The following DSCAM variants were observed in gnomAD, a reference collection of about 807,000 sequenced individuals.
The protein encoded by DSCAM is DS cell adhesion molecule.
DSCAM carries 47 observed loss-of-function variants against 217.7 expected under a neutral mutation model. That is an observed-to-expected ratio of 0.22 (90% CI 0.17 to 0.28). The LOEUF (loss-of-function observed/expected upper bound fraction) is 0.28. Ranked by LOEUF, DSCAM falls within the 10% of genes least tolerant of loss-of-function variation. DSCAM has a pLI of 1.00. For missense variants in DSCAM, 2,080 were observed against 2,618.3 expected, an observed-to-expected ratio of 0.79 and a Z score of 4.49; for synonymous variants, 1,056 against 1,015.3, an observed-to-expected ratio of 1.04 and a Z score of -0.76.
At chr21:40,780,772 T>C (rs2091536719) in intron 1 of DSCAM, among the ~76,000 whole-genome samples, 1 of 152,016 alleles carries the variant, frequency 6.6e-6, no homozygotes. Context: ...GCTGACACCT[T>C]GGTCTCAGAA....
intron 3 of DSCAM, among the ~76,000 whole-genome samples, chr21:40,618,068 G>T (rs1408393642): frequency 6.6e-6 from 1 of 152,102 alleles, no homozygotes; most frequent in Non-Finnish European, 1.5e-5. Flanking sequence ...TGACATTCTG[G>T]CTCCTGAATT....
At chr21:40,760,893 G>A (rs1458579047) in intron 1 of DSCAM, among the ~76,000 whole-genome samples, 1 of 152,208 alleles carries the variant, frequency 6.6e-6, no homozygotes, top group African/African-American at 2.4e-5. Flanking sequence ...ACCTCACTGA[G>A]AATCAACACG....
chr21:40,139,210 A>T (rs894257248), intron 18 of DSCAM, among the ~76,000 whole-genome samples: 1 of 151,562 alleles, frequency 6.6e-6, no homozygotes, highest in African/African-American at 2.4e-5. Context: ...GACAGGTCTC[A>T]GTTAATTTAG....
chr21:40,021,921 A>T (rs1366265144), intron 32 of DSCAM, among the ~76,000 whole-genome samples: 1 of 152,218 alleles, frequency 6.6e-6, no homozygotes, highest in East Asian at 1.9e-4. Flanking sequence ...CTGCTGAACT[A>T]AACCTGCCTC....
chr21:40,141,818 G>T (rs912088152), intron 18 of DSCAM, among the ~76,000 whole-genome samples: 1 of 152,052 alleles, frequency 6.6e-6, no homozygotes, highest in African/African-American at 2.4e-5. Context: ...CACGCAGCCC[G>T]GCCCAGCCTG....
Position 40,304,535 on chromosome 21 carries a change from T to C in DSCAM, c.2062+7546A>G, listed in dbSNP as rs550001335. On this transcript the variant is annotated intron_variant, in intron 9 of 32. Transcript: ENST00000400454. ...TTACAATGTGGCAAACAGTTTGGCA[T>C]AGGAAGCCCAGCTTCCGGCCTCTCT... is the stretch of plus-strand genomic sequence containing the variant. 5.2e-5 allele frequency among the ~76,000 whole-genome samples: 8 copies of C among 152,382 alleles called. No individual in the cohort carries two copies. In the South Asian group the frequency reaches 1.7e-3, roughly 32 times the overall value.
At position 40,371,674 on chromosome 21, in the gene DSCAM, T is replaced by G. The variant is rs562460120; in HGVS notation, c.509-2429A>C. Among the ~76,000 whole-genome samples, 3 of 152,294 alleles carry G rather than the reference T, an allele frequency of 2.0e-5. 1 individual carries two copies. The highest frequency in any genetic ancestry group is 7.2e-5 in the African/African-American group (3 of 41,570). On this transcript the variant is annotated intron_variant, in intron 3 of 32. Transcript: ENST00000400454. ...CATTTTTTTCGTTTACCCACTTACG[T>G]TAAATAAGGCTTTAGGGCGTATCAT...
chr21:40,702,360 C>A (rs1294477816), intron 2 of DSCAM, among the ~76,000 whole-genome samples: 2 of 152,136 alleles, frequency 1.3e-5, no homozygotes, highest in Non-Finnish European at 2.9e-5. Flanking sequence ...ATGTATCACA[C>A]TAATGCAAGA....
At position 40,053,906 on chromosome 21, in the gene DSCAM, GC is replaced by G. The variant is rs2088973248; in HGVS notation, c.5036-1800del. On this transcript the variant is annotated intron_variant, in intron 29 of 32. Coordinates refer to ENST00000400454, the MANE Select transcript of DSCAM (RefSeq NM_001389.5). ...ATGTAGGATTATTGTCTAGTGAGACGCATTTAGCAAATATTGTAACGTGTTA... is the reference window on the plus strand; with the variant it reads ...ATGTAGGATTATTGTCTAGTGAGACGATTTAGCAAATATTGTAACGTGTTA... Among the ~76,000 whole-genome samples, 3 of 152,142 alleles carry G rather than the reference GC, an allele frequency of 2.0e-5. No individual in the cohort carries two copies. In the South Asian group the frequency reaches 6.2e-4, roughly 32 times the overall value.
Position 40,552,091 on chromosome 21 carries a change from G to A in DSCAM, c.508+140719C>T, listed in dbSNP as rs193010157. Among the ~76,000 whole-genome samples the A allele has an allele frequency of 4.8e-4, 73 of 152,238 alleles. 1 individual carries two copies. Among genetic ancestry groups the A allele is most frequent in the South Asian group, 2.9e-3 (14 of 4,826 alleles). On this transcript the variant is annotated intron_variant, in intron 3 of 32. Transcript: ENST00000400454. ...AGCACTTTGGGAGGCCGAGGTGGGC[G>A]GATCATGAGGTCAGGGGTTCAAGAC...
intron 3 of DSCAM, among the ~76,000 whole-genome samples, chr21:40,498,715 G>A (rs1299818358): frequency 2.9e-3 from 46 of 16,036 alleles, no homozygotes; most frequent in Non-Finnish European, 4.7e-3. Context: ...ATATATGGGT[G>A]TATATATATA....
At position 40,023,150 on chromosome 21, in the gene DSCAM, AC is replaced by A. The variant is rs2088307839; in HGVS notation, c.5687-9765del. Among the ~76,000 whole-genome samples, 4 of 151,558 alleles carry A rather than the reference AC, an allele frequency of 2.6e-5. No individual in the cohort carries two copies. In the South Asian group the frequency reaches 8.3e-4, roughly 32 times the overall value. Reference sequence around the variant, plus strand: ...TGGTTTTTTGTTCTTGCGATAGTTTACTGAGAATGATGATTTCCAATTTCAT... The same window carrying A: ...TGGTTTTTTGTTCTTGCGATAGTTTATGAGAATGATGATTTCCAATTTCAT... On this transcript the variant is annotated intron_variant, in intron 32 of 32. Transcript: ENST00000400454.
rs117117157 is a variant in DSCAM at position 40,763,393 on chromosome 21, G to A, written c.44-54622C>T. On this transcript the variant is annotated intron_variant, in intron 1 of 32. Coordinates refer to ENST00000400454, the MANE Select transcript of DSCAM (RefSeq NM_001389.5). ...TGGAATTACAACTTACAAGGGATGC[G>A]ATAAGACCTCTTCAAGGAGAACTAC... Among the ~76,000 whole-genome samples the A allele has an allele frequency of 2.7e-3, 407 of 152,226 alleles. 5 individuals carry two copies. In the East Asian group the frequency reaches 0.042, roughly 16 times the overall value.
rs1282797904 is a variant in DSCAM at position 40,060,311 on chromosome 21, A to C, written c.4919+2558T>G. ...CTTGCTAATGTCTTTCTCAGAGGCT[A>C]GGGAGAAGGAGTAGGAATGTACTCT... On this transcript the variant is annotated intron_variant, in intron 28 of 32. Coordinates refer to ENST00000400454, the MANE Select transcript of DSCAM (RefSeq NM_001389.5). Among the ~76,000 whole-genome samples, 13 of 152,224 alleles carry C rather than the reference A, an allele frequency of 8.5e-5. 1 individual carries two copies. Among genetic ancestry groups the C allele is most frequent in the Admixed American group, 8.5e-4 (13 of 15,278 alleles).
intron 1 of DSCAM, among the ~76,000 whole-genome samples, chr21:40,802,660 T>A (rs978483967): frequency 1.3e-5 from 2 of 152,132 alleles, no homozygotes; most frequent in Admixed American, 1.3e-4. Context: ...GCAGTGGCAT[T>A]TGTGGCTTCG....
At chr21:40,563,672 AT>A (rs1341239059) in intron 3 of DSCAM, among the ~76,000 whole-genome samples, 11 of 123,056 alleles carry the variant, frequency 8.9e-5, no homozygotes, top group African/African-American at 3.7e-4. Context: ...GTTTATATAT[AT>A]GTTTATATGT....
chr21:40,062,176 C>T (rs567335925), intron 28 of DSCAM, among the ~76,000 whole-genome samples: 2 of 152,298 alleles, frequency 1.3e-5, no homozygotes, highest in African/African-American at 4.8e-5. Flanking sequence ...ACACACTTGT[C>T]ACAGCTTTGC....
At chr21:40,170,735 G>A (rs1048300593) in intron 15 of DSCAM, among the ~76,000 whole-genome samples, 1 of 152,156 alleles carries the variant, frequency 6.6e-6, no homozygotes, top group African/African-American at 2.4e-5. Flanking sequence ...CTTGAAAAAT[G>A]ATTTTTGAGT....
intron 20 of DSCAM, among the ~76,000 whole-genome samples, chr21:40,119,316 G>T (rs934320368): frequency 6.6e-6 from 1 of 152,136 alleles, no homozygotes; most frequent in Non-Finnish European, 1.5e-5. Flanking sequence ...AAGGCTTCTG[G>T]TCAGAAGGCA....
Sources: gnomAD v4.1 joint callset for allele counts (sites outside exome capture counted in the v4.1 genomes callset) on GRCh38, gnomAD v4.1.1 for gene constraint, MANE v1.5 for transcripts, NCBI Gene and HGNC (gene_info 2026-07-23, HGNC 2026-07-21) for gene names.